Variants in LCORL observed in about 807,000 individuals in gnomAD.
LCORL encodes ligand-dependent nuclear receptor corepressor-like protein.
A neutral mutation model predicts 141.8 loss-of-function variants in LCORL; 41 were observed. The ratio of observed to expected loss-of-function variants is 0.29; its 90% CI spans 0.23 to 0.38. The LOEUF is 0.38. LCORL is among the 10% of genes least tolerant of loss of function. LCORL has a pLI of 1.00. For synonymous variants in LCORL, 618 were observed against 694.1 expected (o/e 0.89, Z 1.72); for missense variants, 1,759 against 2,035.0 (o/e 0.86, Z 2.61).
In LCORL at chr4:17,876,983, A is replaced by C; in HGVS notation, c.2007T>G (p.Tyr669Ter). The C allele has an allele frequency of 8.1e-7, 1 of 1,230,684 alleles. No individual in the cohort carries two copies. The highest frequency in any genetic ancestry group is 1.0e-6 in the Non-Finnish European group (1 of 986,986). The allele number at this position is 1,230,684 out of a possible 1,614,324, so 76.2% of individuals were successfully genotyped here. A position where few individuals can be genotyped will look rare whatever the true frequency, so the allele number is the denominator to read the frequency against. Residue 669 changes from tyrosine (Y) to a stop codon, truncating the protein, a stop_gained, in exon 7 of 8, where the codon TAT becomes TAG. Transcript: ENST00000635767. LOFTEE classifies it high-confidence loss of function. ...TTTGTAAAGAAGGCCCTTGGTCATG[A>C]TAGAATTCTCCTTTGTCTGATGAAG...
intron 6 of LCORL, chr4:17,880,616 CTTTT>C: frequency 2.0e-6 from 2 of 982,154 alleles, no homozygotes; most frequent in Non-Finnish European, 1.2e-6. Context: ...CTTTTCTTTT[CTTTT>C]TTTCTTTTAC....
At chr4:17,842,841 T>TTG in exon 8 of LCORL, 1 of 165,152 alleles carries the variant, frequency 6.1e-6, no homozygotes, top group East Asian at 1.7e-4. Flanking sequence ...CAAAATTGTA[T>TTG]TGTGTGTATT....
At chr4:17,889,616 T>C (rs544251616) in intron 5 of LCORL, among the ~76,000 whole-genome samples, 40 of 151,600 alleles carry the variant, frequency 2.6e-4, no homozygotes, top group African/African-American at 8.9e-4. Flanking sequence ...CTTTTCTTCA[T>C]AAAGCCTGTA....
rs58012862 is a variant in LCORL at position 18,009,813 on chromosome 4, G to A, written c.154+11785C>T. On this transcript the variant is annotated intron_variant, in intron 1 of 7. Transcript: ENST00000635767. ...CCTTAGCATGCCTTCCAATGGAGAG[G>A]TGCTCCTTACCCTTCATTCCATCAA... is the stretch of plus-strand genomic sequence containing the variant. Among the ~76,000 whole-genome samples, 477 of 151,354 alleles carry A rather than the reference G, an allele frequency of 3.2e-3. 4 individuals carry two copies. The highest frequency in any genetic ancestry group is 0.011 in the African/African-American group (446 of 41,232).
intron 1 of LCORL, among the ~76,000 whole-genome samples, chr4:17,983,693 A>T (rs1257122346): frequency 6.6e-6 from 1 of 152,172 alleles, no homozygotes; most frequent in Non-Finnish European, 1.5e-5. Context: ...CTAGATATAG[A>T]ATGATGTCTA....
chr4:17,940,187 TACACACACACAC>T (rs1448324270), intron 4 of LCORL, among the ~76,000 whole-genome samples: 7 of 112,930 alleles, frequency 6.2e-5, no homozygotes, highest in African/African-American at 2.0e-4. Context: ...TATATATATA[TACACACACACAC>T]ATATACAGGT....
chr4:17,940,158 A>G (rs909077058), intron 4 of LCORL, among the ~76,000 whole-genome samples: 2 of 127,390 alleles, frequency 1.6e-5, no homozygotes, highest in African/African-American at 2.7e-5. Flanking sequence ...ATATATGTAT[A>G]TATATGTATA....
exon 7 of LCORL, chr4:17,873,438 C>T (rs1251296560): frequency 2.4e-5 from 30 of 1,233,638 alleles, no homozygotes; most frequent in Non-Finnish European, 2.9e-5. Context: ...GCAAGACTGT[C>T]GTTTATGTCT....
At chr4:17,998,985 A>AT (rs1553885284) in intron 1 of LCORL, among the ~76,000 whole-genome samples, 20 of 57,890 alleles carry the variant, frequency 3.5e-4, no homozygotes, top group Admixed American at 2.1e-3. Context: ...AAAAAAAAAA[A>AT]ATATATATAT....
At chr4:17,993,535 T>C (rs533918433) in intron 1 of LCORL, among the ~76,000 whole-genome samples, 12 of 151,208 alleles carry the variant, frequency 7.9e-5, no homozygotes, top group Non-Finnish European at 1.5e-4. Flanking sequence ...TGTCTACAAA[T>C]TGAAAAAAAA....
intron 6 of LCORL, chr4:17,883,692 A>ACT (rs1267902578): frequency 6.7e-6 from 10 of 1,495,900 alleles, no homozygotes; most frequent in South Asian, 4.1e-5. Context: ...ACACACACAC[A>ACT]CTCACAAACA....
chr4:17,972,596 A>G (rs13144767), intron 2 of LCORL, among the ~76,000 whole-genome samples: 15,865 of 151,670 alleles, frequency 0.1, 1,091 homozygotes, highest in South Asian at 0.24. Flanking sequence ...TACACCATTG[A>G]CCTCCAAACA....
exon 7 of LCORL, chr4:17,873,864 G>C: frequency 8.1e-7 from 1 of 1,233,898 alleles, no homozygotes; most frequent in South Asian, 4.1e-5. Flanking sequence ...TTCTAGTCTT[G>C]GTCCCTTTTG....
chr4:17,991,945 G>A (rs1383645572), intron 1 of LCORL, among the ~76,000 whole-genome samples: 1 of 152,200 alleles, frequency 6.6e-6, no homozygotes, highest in Non-Finnish European at 1.5e-5. Flanking sequence ...CACACAAAGT[G>A]ATGGTGAGAC....
At chr4:17,875,949 G>T in exon 7 of LCORL, 1 of 1,231,154 alleles carries the variant, frequency 8.1e-7, no homozygotes, top group Non-Finnish European at 1.0e-6. Context: ...TTCAGAGTTC[G>T]CATTTGAGAT....
At chr4:17,887,083 C>T (rs991705033) in intron 5 of LCORL, among the ~76,000 whole-genome samples, 2 of 151,964 alleles carry the variant, frequency 1.3e-5, no homozygotes, top group African/African-American at 4.8e-5. Flanking sequence ...ATAATCAATC[C>T]ATGAAATATG....
At chr4:18,010,756 CAT>C (rs1413215738) in intron 1 of LCORL, among the ~76,000 whole-genome samples, 1 of 152,120 alleles carries the variant, frequency 6.6e-6, no homozygotes, top group Non-Finnish European at 1.5e-5. Flanking sequence ...CCGGCCATAA[CAT>C]ATTTTTTAAA....
In LCORL at chr4:17,890,324, C is replaced by T. The variant is rs554395608; in HGVS notation, c.683-4163G>A. On this transcript the variant is annotated intron_variant, in intron 5 of 7. Transcript: ENST00000635767. ...TGAAAAAGACAGTGTATTTATTATG[C>T]CATTTATGTGAATATTTAAAGCACA... Among the ~76,000 whole-genome samples the T allele has an allele frequency of 3.3e-5, 5 of 152,092 alleles. No homozygotes were observed. The East Asian group carries it at 7.7e-4, about 23-fold the overall frequency.
chr4:17,981,096 C>T (rs1358829300), intron 1 of LCORL, among the ~76,000 whole-genome samples: 1 of 152,158 alleles, frequency 6.6e-6, no homozygotes, highest in Non-Finnish European at 1.5e-5. Context: ...TACATAGTTA[C>T]CCATTTCCCT....
Sources: allele counts gnomAD v4.1 joint callset (sites outside exome capture counted in the v4.1 genomes callset), GRCh38; gene constraint gnomAD v4.1.1; transcripts MANE v1.5; gene names NCBI Gene and HGNC (gene_info 2026-07-23, HGNC 2026-07-21).